The following C9orf85 variants were observed in gnomAD, a reference collection of about 807,000 sequenced individuals.
C9orf85 encodes uncharacterized protein C9orf85.
In C9orf85, 16 loss-of-function variants were observed where a neutral mutation model predicts 14.9. The ratio of observed to expected loss-of-function variants is 1.08; its 90% CI spans 0.73 to 1.63. C9orf85 has a LOEUF of 1.63. Among genes scored for constraint, C9orf85 ranks in the 40% most tolerant of loss-of-function variants. C9orf85 has a pLI of 0.00. For synonymous variants in C9orf85, 45 were observed against 56.8 expected, an observed-to-expected ratio of 0.79 and a Z score of 0.93; for missense variants, 172 against 186.1, an observed-to-expected ratio of 0.92 and a Z score of 0.44.
chr9:71,985,217 A>C (rs1823186523), downstream of C9orf85: 1 of 152,214 alleles, frequency 6.6e-6, no homozygotes, highest in Non-Finnish European at 1.5e-5. Flanking sequence ...ATAGCTTCAA[A>C]TGGCATAACA....
rs549335207 is a variant in C9orf85, at chr9:71,943,436, A to G, written c.103-3570A>G. On this transcript the variant is annotated intron_variant, in intron 1 of 3. Coordinates refer to ENST00000334731, the MANE Select transcript of C9orf85 (RefSeq NM_182505.5). ...TTCCTTCTGTTAAATGATACTTTAT[A>G]AAATATTTTTCAGCATCAGCATGTT... Among the ~76,000 whole-genome samples, 7 of 152,306 alleles carry G rather than the reference A, an allele frequency of 4.6e-5. No individual in the cohort carries two copies. In the East Asian group the frequency reaches 1.2e-3, roughly 25 times the overall value.
intron 1 of C9orf85, among the ~76,000 whole-genome samples, chr9:71,920,774 A>G (rs1051963935): frequency 6.6e-6 from 1 of 152,236 alleles, no homozygotes; most frequent in Non-Finnish European, 1.5e-5. Context: ...AATAGCTGAC[A>G]TGCCTAAGAT....
At chr9:71,949,069 GC>G (rs1312867863) in intron 2 of C9orf85, among the ~76,000 whole-genome samples, 1 of 152,098 alleles carries the variant, frequency 6.6e-6, no homozygotes, top group Non-Finnish European at 1.5e-5. Flanking sequence ...TAGTTAATAG[GC>G]CTCATACAAG....
intron 1 of C9orf85, among the ~76,000 whole-genome samples, chr9:71,921,546 A>T (rs557801944): frequency 4.6e-5 from 7 of 152,232 alleles, no homozygotes. Context: ...CCTTACATAC[A>T]GTGATTTATG....
chr9:71,965,470 T>C (rs1471555951), intron 2 of C9orf85, among the ~76,000 whole-genome samples: 1 of 152,300 alleles, frequency 6.6e-6, no homozygotes, highest in African/African-American at 2.4e-5. Flanking sequence ...AATCAAGGTC[T>C]CCAGTTTCCC....
intron 1 of C9orf85, among the ~76,000 whole-genome samples, chr9:71,928,186 C>CAAAAAAAAAAAAAAAAAAAAAAAAAAA (rs58238164): frequency 1.3e-5 from 1 of 74,286 alleles, no homozygotes; most frequent in African/African-American, 5.6e-5. Flanking sequence ...GGCTCTGTCT[C>CAAAAAAAAAAAAAAAAAAAAAAAAAAA]AAAAAAAAAA....
Position 71,911,784 on chromosome 9 carries a change from A to AT in C9orf85, c.50_51insT (p.Gln17HisfsTer5), listed in dbSNP as rs761153375. Reference sequence around the variant, plus strand: ...GCTCGTTCCAGACCTCAGAAGCACCAGAATACGTTTAGCTTCAAAAATGAC... The same window carrying AT: ...GCTCGTTCCAGACCTCAGAAGCACCATGAATACGTTTAGCTTCAAAAATGAC... On this transcript the variant is annotated frameshift_variant, in exon 1 of 4. Coordinates refer to ENST00000334731, the MANE Select transcript of C9orf85 (RefSeq NM_182505.5). LOFTEE classifies it high-confidence loss of function. 125 of 1,614,082 alleles carry AT rather than the reference A, an allele frequency of 7.7e-5. No homozygotes were observed. The highest frequency in any genetic ancestry group is 9.7e-5 in the Non-Finnish European group (114 of 1,180,026).
chr9:71,918,799 G>A (rs1458901376), intron 1 of C9orf85, among the ~76,000 whole-genome samples: 1 of 151,794 alleles, frequency 6.6e-6, no homozygotes, highest in East Asian at 1.9e-4. Context: ...AAAAAGCTAG[G>A]GCTCCCAATG....
intron 1 of C9orf85, among the ~76,000 whole-genome samples, chr9:71,916,148 GC>G (rs757779177): frequency 3.3e-5 from 5 of 152,132 alleles, no homozygotes; most frequent in Non-Finnish European, 7.4e-5. Context: ...GGTCTAGGGA[GC>G]CCTGAGAGTA....
intron 2 of C9orf85, among the ~76,000 whole-genome samples, chr9:71,950,621 C>T (rs1051053977): frequency 3.9e-5 from 6 of 152,290 alleles, no homozygotes; most frequent in East Asian, 3.9e-4. Flanking sequence ...CCACCTGCCT[C>T]GGCTTCCCAA....
chr9:71,972,593 C>T, intron 3 of C9orf85, 99 bp from the exon 4 acceptor site: 13 of 820,766 alleles, frequency 1.6e-5, no homozygotes, highest in Non-Finnish European at 2.4e-5. Context: ...CATTAGGTTT[C>T]TGTTATTCAA....
chr9:71,972,314 CA>C (rs1822897377), intron 3 of C9orf85, among the ~76,000 whole-genome samples: 1 of 151,890 alleles, frequency 6.6e-6, no homozygotes, highest in Non-Finnish European at 1.5e-5. Flanking sequence ...GGCTAGAGTG[CA>C]ATGGCACGAT....
chr9:71,973,798 T>C (rs899494659), downstream of C9orf85, among the ~76,000 whole-genome samples: 3 of 151,576 alleles, frequency 2.0e-5, no homozygotes, highest in African/African-American at 7.3e-5. Flanking sequence ...ATTGTCTTAA[T>C]TTTTTTACTA....
At chr9:71,965,500 A>G (rs1360994380) in intron 2 of C9orf85, among the ~76,000 whole-genome samples, 5 of 152,076 alleles carry the variant, frequency 3.3e-5, no homozygotes, top group Admixed American at 1.3e-4. Flanking sequence ...TTCTTTTCCT[A>G]CTATTTTATT....
chr9:71,944,455 C>T (rs1822029660), intron 1 of C9orf85, among the ~76,000 whole-genome samples: 4 of 151,494 alleles, frequency 2.6e-5, no homozygotes, highest in Non-Finnish European at 2.9e-5. Flanking sequence ...GCTTGTTGAA[C>T]GAACTAAATG....
chr9:71,947,735 C>T (rs191706426), intron 2 of C9orf85, among the ~76,000 whole-genome samples: 7 of 152,178 alleles, frequency 4.6e-5, no homozygotes, highest in Non-Finnish European at 1.5e-5. Flanking sequence ...CCTCTGCCTC[C>T]CAGGTTTAAG....
chr9:71,982,773 C>G, exon 4 of C9orf85: 2 of 324,196 alleles, frequency 6.2e-6, no homozygotes, highest in Non-Finnish European at 5.8e-6. Context: ...GTAGCTGGGA[C>G]TACAGGCGCA....
At chr9:71,919,588 T>A (rs10781049) in intron 1 of C9orf85, among the ~76,000 whole-genome samples, 30,314 of 152,170 alleles carry the variant, frequency 0.2, 3,392 homozygotes, top group Non-Finnish European at 0.25. Flanking sequence ...ATTTAACATA[T>A]TTTTTCAAGT....
At chr9:71,942,622 G>A (rs1398696503) in intron 1 of C9orf85, among the ~76,000 whole-genome samples, 1 of 152,210 alleles carries the variant, frequency 6.6e-6, no homozygotes. Flanking sequence ...ACAGGCTAAA[G>A]CCAGGTGCTG....
Sources: allele counts gnomAD v4.1 joint callset (sites outside exome capture counted in the v4.1 genomes callset), GRCh38; gene constraint gnomAD v4.1.1; transcripts MANE v1.5; gene names NCBI Gene and HGNC (gene_info 2026-07-23, HGNC 2026-07-21).